CPN1: variants seen among roughly 807,000 people sequenced by gnomAD.
CPN1 encodes the protein carboxypeptidase N subunit 1, also known as carboxypeptidase N catalytic chain.
A neutral mutation model predicts 46.4 loss-of-function variants in CPN1; 37 were observed. The observed-to-expected ratio is 0.80, with a 90% CI of 0.61 to 1.05. CPN1 has a LOEUF of 1.05. Among genes scored for constraint, CPN1 ranks in the 50% least tolerant of loss-of-function variants. The probability of loss-of-function intolerance (pLI) is 0.00; values close to 1 mark genes in which losing one functional copy is unlikely to be tolerated. For missense variants in CPN1, 563 were observed against 602.6 expected (o/e 0.93, Z 0.69); for synonymous variants, 224 against 235.4 (o/e 0.95, Z 0.44).
intron 1 of CPN1, among the ~76,000 whole-genome samples, chr10:100,076,505 T>G (rs2041516057): frequency 1.3e-5 from 2 of 152,196 alleles, no homozygotes; most frequent in African/African-American, 4.8e-5. Flanking sequence ...TACAGTGCCA[T>G]TTACAGTAGC....
Position 100,057,074 on chromosome 10 carries a change from TC to T in CPN1, c.949del (p.Glu317LysfsTer15), listed in dbSNP as rs1419738587. The T allele has an allele frequency of 2.5e-6, 4 of 1,614,144 alleles. No individual in the cohort carries two copies. The highest frequency in any genetic ancestry group is 3.3e-5 in the Admixed American group (2 of 60,010). On this transcript the variant is annotated frameshift_variant, in exon 6 of 9. Transcript: ENST00000370418. LOFTEE classifies it high-confidence loss of function. ...CAGCCACTCCCGCTGTAACTCCTCT[TC>T]GGGGGGAAACTTGTCGCAACTCAGT... Reference protein sequence around the residue: ...LELSCDKFPPEEELQREWLGN... With the variant: ...LELSCDKFPPXEELQREWLGN...
In CPN1 at chr10:100,055,170, G is replaced by A. The variant is rs137981353; in HGVS notation, c.1012-724C>T. On this transcript the variant is annotated intron_variant, in intron 6 of 8. Transcript: ENST00000370418. ...GGAGAATCGCTTAAACTGAGGAGGCGGAGGTTGCAGTGGGCTTAGATCACG... is the reference window on the plus strand; with the variant it reads ...GGAGAATCGCTTAAACTGAGGAGGCAGAGGTTGCAGTGGGCTTAGATCACG... 1.7e-4 allele frequency among the ~76,000 whole-genome samples: 26 copies of A among 151,792 alleles called. No individual in the cohort carries two copies. The East Asian group carries it at 4.5e-3, about 26-fold the overall frequency.
Position 100,065,361 on chromosome 10 carries a change from C to G in CPN1, c.586G>C (p.Glu196Gln), listed in dbSNP as rs2041449028. The G allele has an allele frequency of 6.2e-7, 1 of 1,614,168 alleles. No homozygotes were observed. The highest frequency in any genetic ancestry group is 1.3e-5 in the African/African-American group (1 of 75,046). ...PDNWKSQVEP[E>Q]TRAVIRWMHS... Reference sequence around the variant, plus strand: ...ATCCACCGGATCACCGCCCGGGTCTCGGGTTCCACCTGGGAGGAGGCGAGA... The same window carrying G: ...ATCCACCGGATCACCGCCCGGGTCTGGGGTTCCACCTGGGAGGAGGCGAGA... Residue 196 changes from glutamate to glutamine, a missense_variant, in exon 4 of 9, where the codon GAG becomes CAG. Physicochemically the swap from Glu to Gln is conservative, Grantham distance 29. Transcript: ENST00000370418.
intron 2 of CPN1, among the ~76,000 whole-genome samples, chr10:100,073,266 T>G (rs2041496058): frequency 6.6e-6 from 1 of 152,232 alleles, no homozygotes; most frequent in African/African-American, 2.4e-5. Context: ...AATGATTTTC[T>G]TTATGCTTCC....
chr10:100,050,662 T>C lies in CPN1; in HGVS notation c.1112-1786A>G, dbSNP rs117268635. On this transcript the variant is annotated intron_variant, in intron 7 of 8. Coordinates refer to ENST00000370418, the MANE Select transcript of CPN1 (RefSeq NM_001308.3). ...TTTTTTGAGATAGGGTCTCATTCTG[T>C]TGCCCAGGCTAGAGTGCAGTGGTGC... Among the ~76,000 whole-genome samples, 632 of 152,324 alleles carry C rather than the reference T, an allele frequency of 4.1e-3. 3 individuals carry two copies. The highest frequency in any genetic ancestry group is 6.4e-3 in the Admixed American group (98 of 15,288).
rs1298947872 is a variant in CPN1, at chr10:100,063,731, G to C, written c.760-6C>G. 6 of 1,610,562 alleles carry C rather than the reference G, an allele frequency of 3.7e-6. No homozygotes were observed. Among genetic ancestry groups the C allele is most frequent in the Admixed American group, 3.3e-5 (2 of 59,998 alleles). On this transcript the variant is annotated splice_region_variant and splice_polypyrimidine_tract_variant and intron_variant, in intron 4 of 8. Transcript: ENST00000370418. ...TAGGAGTAGACCTTGGCCAGCTAGA[G>C]GAAAAGCAGGAGGAAAACGACCTTG...
chr10:100,059,847 C>T (rs1467753177), intron 5 of CPN1, among the ~76,000 whole-genome samples: 2 of 152,058 alleles, frequency 1.3e-5, no homozygotes, highest in Non-Finnish European at 2.9e-5. Context: ...CCCAAGTGTC[C>T]ATTGGTGGAT....
chr10:100,074,574 C>A (rs1405000121), intron 2 of CPN1, among the ~76,000 whole-genome samples: 1 of 152,118 alleles, frequency 6.6e-6, no homozygotes, highest in Non-Finnish European at 1.5e-5. Flanking sequence ...TGCCACCATG[C>A]CTGGCTAATT....
At chr10:100,049,902 G>A (rs11593916) in intron 7 of CPN1, among the ~76,000 whole-genome samples, 39,000 of 152,156 alleles carry the variant, frequency 0.26, 5,847 homozygotes, top group Non-Finnish European at 0.34. Context: ...AGGAAAGGTT[G>A]AAAGGTCTGT....
chr10:100,079,921 C>G (rs975318662), intron 1 of CPN1, among the ~76,000 whole-genome samples: 1 of 151,936 alleles, frequency 6.6e-6, no homozygotes, highest in African/African-American at 2.4e-5. Context: ...CCCGTCTCTA[C>G]TAAAAATAAA....
chr10:100,065,036 G>T, intron 4 of CPN1, 152 bp downstream of exon 4: 1 of 863,128 alleles, frequency 1.2e-6, no homozygotes, highest in Non-Finnish European at 1.7e-6. Context: ...AAAACCAAAT[G>T]TCATTTACTA....
intron 2 of CPN1, among the ~76,000 whole-genome samples, chr10:100,074,211 G>A (rs1259143508): frequency 1.3e-5 from 2 of 152,196 alleles, no homozygotes; most frequent in African/African-American, 4.8e-5. Flanking sequence ...TGGCTTCAAA[G>A]TCTGGTGGCC....
At chr10:100,055,463 G>C (rs1347095646) in intron 6 of CPN1, among the ~76,000 whole-genome samples, 3 of 151,700 alleles carry the variant, frequency 2.0e-5, no homozygotes, top group Non-Finnish European at 2.9e-5. Flanking sequence ...TCTTTTTGTG[G>C]ATGGCTAATT....
At chr10:100,059,445 CA>C (rs1408889277) in intron 5 of CPN1, among the ~76,000 whole-genome samples, 1 of 151,592 alleles carries the variant, frequency 6.6e-6, no homozygotes, top group African/African-American at 2.4e-5. Context: ...TTTAAATGGG[CA>C]AAGGACTTGA....
intron 2 of CPN1, among the ~76,000 whole-genome samples, 198 bp downstream of exon 2, chr10:100,075,713 T>C (rs2133448201): frequency 6.6e-6 from 1 of 152,370 alleles, no homozygotes; most frequent in South Asian, 2.1e-4. Context: ...CCATGTTTAT[T>C]GCCTGAGGTG....
In CPN1 at chr10:100,076,538, C is replaced by T. The variant is rs567892621; in HGVS notation, c.224-431G>A. On this transcript the variant is annotated intron_variant, in intron 1 of 8. Transcript: ENST00000370418. ...AGCATGCTGCTTCTCAGAGACAAATCTTTCAGGATAAGGATGTTCCCCAGA... is the reference window on the plus strand; with the variant it reads ...AGCATGCTGCTTCTCAGAGACAAATTTTTCAGGATAAGGATGTTCCCCAGA... Among the ~76,000 whole-genome samples the T allele has an allele frequency of 4.6e-5, 7 of 152,362 alleles. No homozygotes were observed. The East Asian group carries it at 1.2e-3, about 25-fold the overall frequency.
At chr10:100,048,620 G>A (rs1244045982) in intron 8 of CPN1, 138 bp downstream of exon 8, 2 of 739,502 alleles carry the variant, frequency 2.7e-6, no homozygotes, top group South Asian at 1.4e-5. Flanking sequence ...GATTGCTTCG[G>A]CCCAGGAGAT....
chr10:100,054,343 C>G lies in CPN1; in HGVS notation c.1111+4G>C, dbSNP rs1349661719. The G allele has an allele frequency of 6.2e-7, 1 of 1,611,386 alleles. No homozygotes were observed. The highest frequency in any genetic ancestry group is 8.5e-7 in the Non-Finnish European group (1 of 1,177,708). On this transcript the variant is annotated splice_donor_region_variant and intron_variant, in intron 7 of 8. Transcript: ENST00000370418. ...CTTCTTACCCCTAAGCAGTGACCACCTACCTGAAGTGACATCATGGTTAAT... is the reference window on the plus strand; with the variant it reads ...CTTCTTACCCCTAAGCAGTGACCACGTACCTGAAGTGACATCATGGTTAAT...
intron 6 of CPN1, among the ~76,000 whole-genome samples, chr10:100,054,841 C>CTT (rs56250435): frequency 1.5e-5 from 2 of 132,758 alleles, no homozygotes; most frequent in African/African-American, 5.6e-5. Flanking sequence ...TTCTTTCTTT[C>CTT]TTTTTTTTTT....
Sources: gnomAD v4.1 joint callset for allele counts (sites outside exome capture counted in the v4.1 genomes callset) on GRCh38, gnomAD v4.1.1 for gene constraint, MANE v1.5 for transcripts, NCBI Gene and HGNC (gene_info 2026-07-23, HGNC 2026-07-21) for gene names.